RBFOX3: variants seen among roughly 807,000 people sequenced by gnomAD.
The protein encoded by RBFOX3 is RNA binding protein fox-1 homolog 3.
A neutral mutation model predicts 48.7 loss-of-function variants in RBFOX3; 17 were observed. The observed-to-expected ratio is 0.35, with a 90% CI of 0.24 to 0.52. The LOEUF is 0.52. Ranked by LOEUF, RBFOX3 falls within the 20% of genes least tolerant of loss-of-function variation. RBFOX3 has a pLI of 0.94. For synonymous variants in RBFOX3, 212 were observed against 209.5 expected (o/e 1.01, Z -0.10); for missense variants, 382 against 497.5 (o/e 0.77, Z 2.21).
intron 1 of RBFOX3, among the ~76,000 whole-genome samples, chr17:79,486,884 C>G (rs1024018370): frequency 6.6e-6 from 1 of 152,248 alleles, no homozygotes; most frequent in Non-Finnish European, 1.5e-5. Flanking sequence ...GCTGCAGAAC[C>G]AGCCAGCACT....
At position 79,482,724 on chromosome 17, in the gene RBFOX3, C is replaced by CAGGGATCG. The variant is rs1283443256; in HGVS notation, c.-319-134_-319-127dup. The CAGGGATCG allele has an allele frequency of 7.2e-5, 11 of 152,254 alleles. No homozygotes were observed. The highest frequency in any genetic ancestry group is 2.6e-4 in the African/African-American group (11 of 41,514). The allele number at this position is 152,254 out of a possible 1,614,324, so 9.4% of individuals were successfully genotyped here. A position where few individuals can be genotyped will look rare whatever the true frequency, so the allele number is the denominator to read the frequency against. On this transcript the variant is annotated intron_variant, in intron 1 of 14. Coordinates refer to ENST00000693108, the MANE Select transcript of RBFOX3 (RefSeq NM_001350451.2). The surrounding 1 kb of genome is among the most constrained non-coding windows in gnomAD (Gnocchi z 4.1). The stretch of plus-strand genomic sequence containing the variant: ...AGCTTCAAAGCCAACTGTTTGCCAC[C>CAGGGATCG]AGGGATCGAGGGATTGAGGGATCAG...
At chr17:79,602,613 C>T (rs1359930189) in intron 1 of RBFOX3, among the ~76,000 whole-genome samples, 1 of 152,170 alleles carries the variant, frequency 6.6e-6, no homozygotes, top group Non-Finnish European at 1.5e-5. Context: ...TGCCTAATGG[C>T]ATGACATCAA....
At chr17:79,564,215 T>A (rs2092868203) in intron 1 of RBFOX3, among the ~76,000 whole-genome samples, 1 of 152,236 alleles carries the variant, frequency 6.6e-6, no homozygotes. Flanking sequence ...GCCATGCAGC[T>A]CCCATTTGAC....
rs150699894 is a variant in RBFOX3, at chr17:79,405,309, T to A, written c.-175+77145A>T. On this transcript the variant is annotated intron_variant, in intron 2 of 14. Coordinates refer to ENST00000693108, the MANE Select transcript of RBFOX3 (RefSeq NM_001350451.2). Reference sequence around the variant, plus strand: ...CTCCGCCGCCCGACAACCTAGTTTATTATTTTTGATGCATTTGAAAGTAAG... The same window carrying A: ...CTCCGCCGCCCGACAACCTAGTTTAATATTTTTGATGCATTTGAAAGTAAG... Among the ~76,000 whole-genome samples the A allele has an allele frequency of 2.4e-3, 362 of 152,288 alleles. 2 individuals are homozygous for A. The highest frequency in any genetic ancestry group is 8.3e-3 in the African/African-American group (345 of 41,538).
intron 1 of RBFOX3, among the ~76,000 whole-genome samples, chr17:79,593,408 CT>C (rs1374707777): frequency 6.6e-6 from 1 of 152,118 alleles, no homozygotes; most frequent in Non-Finnish European, 1.5e-5. Context: ...GCAAAGATTG[CT>C]TTTTTAACGC....
intron 3 of RBFOX3, among the ~76,000 whole-genome samples, chr17:79,284,683 G>A (rs2071445259): frequency 6.6e-6 from 1 of 152,134 alleles, no homozygotes; most frequent in African/African-American, 2.4e-5. Context: ...GGGATTACAG[G>A]TGCTCATCAC....
chr17:79,383,968 G>T (rs2060254113), intron 2 of RBFOX3, among the ~76,000 whole-genome samples: 1 of 152,210 alleles, frequency 6.6e-6, no homozygotes, highest in Non-Finnish European at 1.5e-5. Flanking sequence ...GGGAAGGCAA[G>T]ATTCAGGGTT....
At chr17:79,483,976 T>C (rs2079152626) in intron 1 of RBFOX3, among the ~76,000 whole-genome samples, 1 of 147,952 alleles carries the variant, frequency 6.8e-6, no homozygotes. Flanking sequence ...GTTTGCTTAA[T>C]TTACTCCAAC....
intron 1 of RBFOX3, among the ~76,000 whole-genome samples, chr17:79,610,390 G>A (rs2093944514): frequency 6.6e-6 from 1 of 151,734 alleles, no homozygotes; most frequent in South Asian, 2.1e-4. Flanking sequence ...ATCTCCGCGC[G>A]CCTCTGCCTC....
intron 1 of RBFOX3, among the ~76,000 whole-genome samples, chr17:79,590,395 C>T (rs2145072013): frequency 6.6e-6 from 1 of 152,286 alleles, no homozygotes; most frequent in East Asian, 1.9e-4. Context: ...GTTTAAAAGG[C>T]ACATGGATAT....
rs1183287335 is a variant in RBFOX3, at chr17:79,103,726, C to G, written c.414+347G>C. On this transcript the variant is annotated intron_variant, in intron 7 of 14. Coordinates refer to ENST00000693108, the MANE Select transcript of RBFOX3 (RefSeq NM_001350451.2). The surrounding 1 kb of genome is among the most constrained non-coding windows in gnomAD (Gnocchi z 6.1). Reference sequence around the variant, plus strand: ...GTAGGGCTTGTCTCCGCCGGACACCCTCCCCAGCCTGCCCTCTCTGTAGCC... The same window carrying G: ...GTAGGGCTTGTCTCCGCCGGACACCGTCCCCAGCCTGCCCTCTCTGTAGCC... Among the ~76,000 whole-genome samples the G allele has an allele frequency of 6.6e-6, 1 of 152,114 alleles. No homozygotes were observed. Among genetic ancestry groups the G allele is most frequent in the Non-Finnish European group, 1.5e-5 (1 of 67,992 alleles).
chr17:79,327,139 A>C (rs12940295), intron 2 of RBFOX3, among the ~76,000 whole-genome samples: 44,636 of 151,930 alleles, frequency 0.29, 6,736 homozygotes, highest in Non-Finnish European at 0.32. Context: ...GGTACCCCCC[A>C]CACCTTCCCC....
At chr17:79,468,842 GGATA>G (rs1189308336) in intron 2 of RBFOX3, among the ~76,000 whole-genome samples, 2 of 149,248 alleles carry the variant, frequency 1.3e-5, no homozygotes, top group Non-Finnish European at 3.0e-5. Context: ...ATGGATGGAT[GGATA>G]GATAGACAGC....
chr17:79,178,124 T>C (rs2051021825), intron 4 of RBFOX3, among the ~76,000 whole-genome samples: 2 of 152,184 alleles, frequency 1.3e-5, no homozygotes, highest in South Asian at 4.1e-4. Flanking sequence ...TACGGGCTCC[T>C]TCCCCGCCGC....
rs1555723871 is a variant in RBFOX3, at chr17:79,423,555, C to T, written c.-175+58899G>A. Among the ~76,000 whole-genome samples the T allele has an allele frequency of 6.6e-5, 10 of 152,122 alleles. No individual in the cohort carries two copies. The South Asian group carries it at 2.1e-3, about 31-fold the overall frequency. Reference sequence around the variant, plus strand: ...ACCTGGGGTTCTCCGCTATCTCCCACACATCGTTCTCAAACGCCGCCACCT... The same window carrying T: ...ACCTGGGGTTCTCCGCTATCTCCCATACATCGTTCTCAAACGCCGCCACCT... On this transcript the variant is annotated intron_variant, in intron 2 of 14. Transcript: ENST00000693108. This position sits in a 1 kb window ranked among gnomAD's most constrained non-coding sequence, Gnocchi z 4.9.
chr17:79,609,169 T>A (rs1203196331), intron 1 of RBFOX3, among the ~76,000 whole-genome samples: 1 of 152,200 alleles, frequency 6.6e-6, no homozygotes, highest in East Asian at 1.9e-4. Flanking sequence ...AATGAGCAGG[T>A]TCTGCCGCAA....
chr17:79,479,730 G>T lies in RBFOX3; in HGVS notation c.-175+2724C>A, dbSNP rs1296552539. Among the ~76,000 whole-genome samples, 1 of 152,230 alleles carries T rather than the reference G, an allele frequency of 6.6e-6. No homozygotes were observed. Among genetic ancestry groups the T allele is most frequent in the Non-Finnish European group, 1.5e-5 (1 of 68,048 alleles). ...GGATTTACCTATTTGGGGGACACAG[G>T]TTCTCAGACCCACAGAAAGGTGAGG... On this transcript the variant is annotated intron_variant, in intron 2 of 14. Coordinates refer to ENST00000693108, the MANE Select transcript of RBFOX3 (RefSeq NM_001350451.2). The surrounding 1 kb of genome is among the most constrained non-coding windows in gnomAD (Gnocchi z 5.1).
At chr17:79,154,063 G>A (rs1274415010) in intron 4 of RBFOX3, among the ~76,000 whole-genome samples, 2 of 152,168 alleles carry the variant, frequency 1.3e-5, no homozygotes, top group African/African-American at 4.8e-5. Context: ...CCTTCACTCT[G>A]AAGAAATGTA....
chr17:79,189,934 C>T (rs1212392175), intron 4 of RBFOX3, among the ~76,000 whole-genome samples: 3 of 152,238 alleles, frequency 2.0e-5, no homozygotes, highest in South Asian at 4.1e-4. Context: ...CTGATGACAG[C>T]CTTTGCTCCT....
Sources: allele counts gnomAD v4.1 joint callset (sites outside exome capture counted in the v4.1 genomes callset), GRCh38; gene constraint gnomAD v4.1.1; non-coding constraint Gnocchi (gnomAD v3.1); transcripts MANE v1.5; gene names NCBI Gene and HGNC (gene_info 2026-07-23, HGNC 2026-07-21).